Variants in SLC35F3 observed in about 807,000 individuals in gnomAD.
SLC35F3 encodes solute carrier family 35 member F3.
SLC35F3 carries 25 observed loss-of-function variants against 49.9 expected under a neutral mutation model. That is an observed-to-expected ratio of 0.50 (90% CI 0.37 to 0.70). SLC35F3 has a LOEUF of 0.70. SLC35F3 is among the 30% of genes least tolerant of loss of function. The probability of loss-of-function intolerance (pLI) is 0.00; values close to 1 mark genes in which losing one functional copy is unlikely to be tolerated. For synonymous variants in SLC35F3, 275 were observed against 265.4 expected, an observed-to-expected ratio of 1.04 and a Z score of -0.35; for missense variants, 525 against 639.8, an observed-to-expected ratio of 0.82 and a Z score of 1.94.
At chr1:234,064,620 TGGC>T (rs1027623959) in intron 2 of SLC35F3, among the ~76,000 whole-genome samples, 16 of 152,206 alleles carry the variant, frequency 1.1e-4, no homozygotes, top group African/African-American at 3.9e-4. Flanking sequence ...TGTTGTGCTG[TGGC>T]TAATTGTGCT....
At chr1:234,251,676 G>A (rs1352643499) in intron 3 of SLC35F3, among the ~76,000 whole-genome samples, 1 of 152,042 alleles carries the variant, frequency 6.6e-6, no homozygotes, top group Non-Finnish European at 1.5e-5. Flanking sequence ...AGAATACTCT[G>A]GAAAAGAAGA....
intron 1 of SLC35F3, 92 bp from the exon 2 acceptor site, chr1:233,905,437 C>T: frequency 2.0e-6 from 2 of 1,002,766 alleles, no homozygotes; most frequent in South Asian, 1.6e-5. Context: ...CGCGCTCTTG[C>T]TCTCGCCCTG....
At chr1:234,194,620 A>T (rs200921567) in intron 2 of SLC35F3, among the ~76,000 whole-genome samples, 1 of 100,146 alleles carries the variant, frequency 1.0e-5, no homozygotes, top group African/African-American at 4.3e-5. Context: ...TTAATGCAAT[A>T]AAAAAAAAGA....
chr1:234,243,364 G>A (rs1045103735), intron 3 of SLC35F3, among the ~76,000 whole-genome samples: 1 of 151,996 alleles, frequency 6.6e-6, no homozygotes, highest in South Asian at 2.1e-4. Context: ...AAATAATAAA[G>A]TGTTACTGGG....
intron 2 of SLC35F3, among the ~76,000 whole-genome samples, chr1:234,130,376 C>T (rs898906067): frequency 5.3e-5 from 8 of 151,914 alleles, no homozygotes. Flanking sequence ...TGCAGTGGCT[C>T]ATGCCTGTAA....
chr1:233,918,783 T>A (rs942426483), intron 2 of SLC35F3, among the ~76,000 whole-genome samples: 1 of 78,126 alleles, frequency 1.3e-5, no homozygotes, highest in South Asian at 6.2e-4. Context: ...TCTCTTTCTC[T>A]CTCTCTCTCT....
At chr1:233,925,208 G>C (rs527952525) in intron 2 of SLC35F3, among the ~76,000 whole-genome samples, 1 of 150,210 alleles carries the variant, frequency 6.7e-6, no homozygotes, top group South Asian at 2.1e-4. Flanking sequence ...CTGTCTCGTT[G>C]ATCTGTCTAA....
intron 2 of SLC35F3, among the ~76,000 whole-genome samples, chr1:234,188,717 G>A (rs527433670): frequency 1.1e-4 from 16 of 152,076 alleles, no homozygotes; most frequent in African/African-American, 3.6e-4. Flanking sequence ...TCTCGAAAGC[G>A]CCACCTCCTG....
At chr1:234,147,108 AG>A (rs1666008786) in intron 2 of SLC35F3, among the ~76,000 whole-genome samples, 1 of 152,150 alleles carries the variant, frequency 6.6e-6, no homozygotes, top group South Asian at 2.1e-4. Context: ...AAGAGACTTT[AG>A]AATTTTCACT....
At chr1:233,987,697 G>A (rs919257169) in intron 2 of SLC35F3, among the ~76,000 whole-genome samples, 1 of 152,040 alleles carries the variant, frequency 6.6e-6, no homozygotes, top group Non-Finnish European at 1.5e-5. Flanking sequence ...ATATTTATTT[G>A]CTCATTCATT....
At chr1:234,185,775 A>C (rs1055995971) in intron 2 of SLC35F3, among the ~76,000 whole-genome samples, 3 of 152,206 alleles carry the variant, frequency 2.0e-5, no homozygotes, top group Non-Finnish European at 4.4e-5. Context: ...TCACATCACC[A>C]TTTGGATACC....
At chr1:233,949,503 A>G (rs558183254) in intron 2 of SLC35F3, among the ~76,000 whole-genome samples, 17 of 152,334 alleles carry the variant, frequency 1.1e-4, no homozygotes, top group Non-Finnish European at 2.2e-4. Flanking sequence ...AAATGCAAAG[A>G]TGGAGGGAAT....
In SLC35F3 at chr1:233,988,430, G is replaced by A. The variant is rs1057112516; in HGVS notation, c.283+82672G>A. On this transcript the variant is annotated intron_variant, in intron 2 of 7. Coordinates refer to ENST00000366618, the MANE Select transcript of SLC35F3 (RefSeq NM_173508.4). ...GCTCTTGCTTGTCTACACATATTCA[G>A]AATCTAACTGCTTCTGATACAGACT... Among the ~76,000 whole-genome samples, 6 of 152,284 alleles carry A rather than the reference G, an allele frequency of 3.9e-5. No homozygotes were observed. In the East Asian group the frequency reaches 1.2e-3, roughly 29 times the overall value.
rs187560465 is a variant in SLC35F3, at chr1:234,057,822, C to T, written c.283+152064C>T. ...CCAGATTGATGCAATTCTCCTGCCT[C>T]AGCCTTCTGAGTAGCTGGAATTACA... On this transcript the variant is annotated intron_variant, in intron 2 of 7. Coordinates refer to ENST00000366618, the MANE Select transcript of SLC35F3 (RefSeq NM_173508.4). 1.2e-3 allele frequency among the ~76,000 whole-genome samples: 177 copies of T among 152,252 alleles called. 1 individual carries two copies. The South Asian group carries it at 0.016, about 14-fold the overall frequency.
intron 2 of SLC35F3, among the ~76,000 whole-genome samples, chr1:234,114,264 G>T (rs1311995445): frequency 6.6e-6 from 1 of 152,132 alleles, no homozygotes; most frequent in Non-Finnish European, 1.5e-5. Flanking sequence ...CTTAAGTTTG[G>T]GAAAGGAAAA....
chr1:234,064,161 C>T (rs1480983171), intron 2 of SLC35F3, among the ~76,000 whole-genome samples: 1 of 152,148 alleles, frequency 6.6e-6, no homozygotes, highest in African/African-American at 2.4e-5. Context: ...TTTCATAGCC[C>T]TAGATCCCCT....
intron 2 of SLC35F3, among the ~76,000 whole-genome samples, chr1:234,080,438 G>A (rs1664858577): frequency 6.6e-6 from 1 of 152,112 alleles, no homozygotes; most frequent in African/African-American, 2.4e-5. Flanking sequence ...GCATATGAAT[G>A]TTCCTAACCA....
In SLC35F3 at chr1:234,231,093, T is replaced by A. The variant is rs1358476779; in HGVS notation, c.284-324T>A. ...CAAAGCACGCAGATCACCTGAGGAA[T>A]GCAGGTTCTGATTTTGGAGTCTGGG... is the stretch of plus-strand genomic sequence containing the variant. On this transcript the variant is annotated intron_variant, in intron 2 of 7. Transcript: ENST00000366618. The surrounding 1 kb of genome is among the most constrained non-coding windows in gnomAD (Gnocchi z 5.4). Among the ~76,000 whole-genome samples the A allele has an allele frequency of 6.6e-6, 1 of 152,210 alleles. No individual in the cohort carries two copies. Among genetic ancestry groups the A allele is most frequent in the Non-Finnish European group, 1.5e-5 (1 of 68,036 alleles).
intron 2 of SLC35F3, among the ~76,000 whole-genome samples, chr1:234,150,191 C>G (rs923644956): frequency 6.6e-6 from 1 of 152,210 alleles, no homozygotes; most frequent in African/African-American, 2.4e-5. Context: ...AAATTGTGCT[C>G]AAATGGAAGC....
Sources: gnomAD v4.1 joint callset for allele counts (sites outside exome capture counted in the v4.1 genomes callset) on GRCh38, gnomAD v4.1.1 for gene constraint, Gnocchi (gnomAD v3.1) non-coding constraint, MANE v1.5 for transcripts, NCBI Gene and HGNC (gene_info 2026-07-23, HGNC 2026-07-21) for gene names.